The following EXOC3 variants were observed in gnomAD, a reference collection of about 807,000 sequenced individuals.
The protein encoded by EXOC3 is exocyst complex component 3, also known as SEC6-like 1.
EXOC3 carries 21 observed loss-of-function variants against 73.7 expected under a neutral mutation model. The observed-to-expected ratio is 0.29, with a 90% confidence interval of 0.20 to 0.41. EXOC3 has a LOEUF of 0.41. Among genes scored for constraint, EXOC3 ranks in the 10% least tolerant of loss-of-function variants. The pLI, the probability that EXOC3 is intolerant of heterozygous loss-of-function variation, is 1.00. For synonymous variants in EXOC3, 410 were observed against 389.1 expected (o/e 1.05, Z -0.63); for missense variants, 842 against 985.1 (o/e 0.85, Z 1.95).
At position 453,916 on chromosome 5, in the gene EXOC3, A is replaced by G. The variant is rs1344679405; in HGVS notation, c.911A>G (p.His304Arg). 1.9e-6 allele frequency: 3 copies of G among 1,613,888 alleles called. No homozygotes were observed. ...CTGATGGTTCAGTGCTTTCCTCCCC[A>G]CTATGAGATCTTTAAGAACCTCCTG... ...KNLMVQCFPP[H>R]YEIFKNLLNM... Residue 304 changes from histidine (H) to arginine (R), a missense_variant, in exon 4 of 13, where the codon CAC (histidine) becomes CGC (arginine). By Grantham distance (29) the His-to-Arg change is conservative (BLOSUM62 0). Transcript: ENST00000512944.
At chr5:464,182 C>T (rs949947867) in intron 9 of EXOC3, 108 bp from the exon 10 acceptor site, 66 of 1,080,832 alleles carry the variant, frequency 6.1e-5, no homozygotes, top group Non-Finnish European at 7.9e-5. Context: ...CCACACTGCA[C>T]GCAGCTCTCG....
rs779134483 is a variant in EXOC3, at chr5:465,118, C to T, written c.1784C>T (p.Thr595Met). The T allele has an allele frequency of 8.9e-6, 14 of 1,578,444 alleles. No homozygotes were observed. The East Asian group carries it at 9.2e-5, about 10-fold the overall frequency. The change falls in exon 11 of 13, where the codon ACG (threonine) becomes ATG (methionine). Residue 595 changes from threonine to methionine, a missense_variant. Thr to Met is a moderately conservative substitution (Grantham distance 81). Transcript: ENST00000512944. Reference protein sequence around the residue: ...KIKKPYKKRMTAEAHRRVVVE... With the variant: ...KIKKPYKKRMMAEAHRRVVVE... Reference sequence around the variant, plus strand: ...CCGCGCGTGTCTCCCCAGAGGATGACGGCCGAGGCGCACCGGCGCGTGGTG... The same window carrying T: ...CCGCGCGTGTCTCCCCAGAGGATGATGGCCGAGGCGCACCGGCGCGTGGTG...
chr5:464,529 A>G lies in EXOC3; in HGVS notation c.1776+117A>G, dbSNP rs187746319. 1,197 of 1,192,406 alleles carry G rather than the reference A, an allele frequency of 1.0e-3. 37 individuals are homozygous for G. Among genetic ancestry groups the G allele is most frequent in the East Asian group, 9.8e-3 (390 of 39,930 alleles). The allele number at this position is 1,192,406 out of a possible 1,614,324, so 73.9% of individuals were successfully genotyped here. Reference sequence around the variant, plus strand: ...TGAGTGAACGTTCACTTGTTGTCCTATCAGCCCAAGGGAGGCAATAGGCTC... The same window carrying G: ...TGAGTGAACGTTCACTTGTTGTCCTGTCAGCCCAAGGGAGGCAATAGGCTC... On this transcript the variant is annotated intron_variant, in intron 10 of 12. Coordinates refer to ENST00000512944, the MANE Select transcript of EXOC3 (RefSeq NM_007277.5).
intron 1 of EXOC3, among the ~76,000 whole-genome samples, chr5:443,884 C>T (rs116334880): frequency 6.6e-6 from 1 of 152,048 alleles, no homozygotes; most frequent in African/African-American, 2.4e-5. Context: ...GAGCAGGTGT[C>T]CTTCTGGGCA....
intron 3 of EXOC3, among the ~76,000 whole-genome samples, chr5:452,588 G>A (rs571779981): frequency 6.6e-6 from 1 of 152,196 alleles, no homozygotes; most frequent in Non-Finnish European, 1.5e-5. Context: ...GCCTTGTGAT[G>A]TTTTTGTTGT....
chr5:444,083 G>A (rs767052204), intron 1 of EXOC3, among the ~76,000 whole-genome samples: 13 of 152,292 alleles, frequency 8.5e-5, no homozygotes, highest in African/African-American at 1.9e-4. Flanking sequence ...TCTCCCTGGC[G>A]CAGGTGTCTC....
At chr5:443,510 C>T (rs1178096963) in intron 1 of EXOC3, among the ~76,000 whole-genome samples, 1 of 151,530 alleles carries the variant, frequency 6.6e-6, no homozygotes, top group African/African-American at 2.4e-5. Context: ...CCCCCCCAGG[C>T]GTAGGTGTCC....
chr5:461,192 C>T (rs570716180), intron 7 of EXOC3, among the ~76,000 whole-genome samples: 1 of 152,228 alleles, frequency 6.6e-6, no homozygotes, highest in South Asian at 2.1e-4. Context: ...ATAATGCTTT[C>T]CCAATTCCTC....
At chr5:457,086 AG>A in intron 5 of EXOC3, 80 bp downstream of exon 5, 11 of 988,808 alleles carry the variant, frequency 1.1e-5, no homozygotes, top group Non-Finnish European at 1.3e-5. Flanking sequence ...GGCAGGAGGC[AG>A]GGGGGAAATG....
rs532645611 is a variant in EXOC3 at position 455,568 on chromosome 5, AC to A, written c.1047-1320del. ...GCTCTTAATCATTTTATTCAGTGTT[AC>A]TCTGAGAACGTATTTACGGAACATA... On this transcript the variant is annotated intron_variant, in intron 4 of 12. Transcript: ENST00000512944. 3.3e-5 allele frequency among the ~76,000 whole-genome samples: 5 copies of A among 152,160 alleles called. No homozygotes were observed. The East Asian group carries it at 9.7e-4, about 29-fold the overall frequency.
At chr5:443,420 G>T (rs1276373800) in intron 1 of EXOC3, 130 bp downstream of exon 1, 2 of 152,514 alleles carry the variant, frequency 1.3e-5, no homozygotes, top group Non-Finnish European at 2.9e-5. Flanking sequence ...CCTGGAGGGC[G>T]GGGAGGCCGT....
At chr5:446,629 A>G (rs1014266244) in intron 2 of EXOC3, among the ~76,000 whole-genome samples, 9 of 152,228 alleles carry the variant, frequency 5.9e-5, no homozygotes, top group African/African-American at 1.9e-4. Context: ...AGGCCGAGGC[A>G]GGCGGATCAC....
At position 443,363 on chromosome 5, in the gene EXOC3, C is replaced by T. The variant is rs1224564117; in HGVS notation, c.-57+73C>T. 4 of 153,242 alleles carry T rather than the reference C, an allele frequency of 2.6e-5. No individual in the cohort carries two copies. In the Admixed American group the frequency reaches 2.6e-4, roughly 10 times the overall value. The allele number at this position is 153,242 out of a possible 1,614,324, so 9.5% of individuals were successfully genotyped here. ...TCGCCGTCTTTCATCCTTGCTCTCC[C>T]TGTCTCTGGCTTCCGCGGGGGCGCG... On this transcript the variant is annotated intron_variant, in intron 1 of 12. Coordinates refer to ENST00000512944, the MANE Select transcript of EXOC3 (RefSeq NM_007277.5).
chr5:463,805 A>T (rs907280288), intron 9 of EXOC3, among the ~76,000 whole-genome samples: 1 of 152,246 alleles, frequency 6.6e-6, no homozygotes, highest in African/African-American at 2.4e-5. Context: ...TGTGAAAAAA[A>T]TTTAAATGTC....
intron 10 of EXOC3, 24 bp from the exon 11 acceptor site, chr5:465,087 C>T (rs373719205): frequency 6.5e-7 from 1 of 1,531,148 alleles, no homozygotes; most frequent in Non-Finnish European, 8.8e-7. Context: ...TGGAGCCTGC[C>T]GCTGACCGCG....
chr5:448,873 T>C (rs547608854), intron 3 of EXOC3, among the ~76,000 whole-genome samples: 41 of 152,332 alleles, frequency 2.7e-4, no homozygotes, highest in African/African-American at 7.7e-4. Context: ...CCGTGTCTCT[T>C]TGTGCATGCC....
At chr5:452,454 T>TAA (rs77454118) in intron 3 of EXOC3, among the ~76,000 whole-genome samples, 61,217 of 151,746 alleles carry the variant, frequency 0.4, 12,423 homozygotes, top group Middle Eastern at 0.51. Flanking sequence ...ATCTTTAAGT[T>TAA]CCTTAGGCAT....
chr5:459,680 A>T, intron 7 of EXOC3: 1 of 409,504 alleles, frequency 2.4e-6, no homozygotes, highest in Non-Finnish European at 4.4e-6. Flanking sequence ...CCCAGAGCTG[A>T]TGTGTTGTGA....
Position 465,740 on chromosome 5 carries a change from G to C in EXOC3, c.1961G>C (p.Gly654Ala). Residue 654 changes from glycine to alanine, a missense_variant, in exon 12 of 13, where the codon GGA becomes GCA. Gly to Ala is a moderately conservative substitution (Grantham distance 60, BLOSUM62 0). Transcript: ENST00000512944. ...CAGGGTTTCGGGGAAGACGTGGACG[G>C]ATACTGCGACACCATCGTGGCTGTG... is the stretch of plus-strand genomic sequence containing the variant. ...LASGFGEDVD[G>A]YCDTIVAVAE... 6.2e-7 allele frequency: 1 copy of C among 1,613,904 alleles called. No individual in the cohort carries two copies. Among genetic ancestry groups the C allele is most frequent in the Non-Finnish European group, 8.5e-7 (1 of 1,179,864 alleles).
Sources: allele counts gnomAD v4.1 joint callset (sites outside exome capture counted in the v4.1 genomes callset), GRCh38; gene constraint gnomAD v4.1.1; transcripts MANE v1.5; gene names NCBI Gene and HGNC (gene_info 2026-07-23, HGNC 2026-07-21).